The following NCALD variants were observed in gnomAD, a reference collection of about 807,000 sequenced individuals.
NCALD encodes neurocalcin delta, also known as neurocalcin-delta.
Under a neutral mutation model 18.6 loss-of-function variants are expected in NCALD, and 10 were observed. The ratio of observed to expected loss-of-function variants is 0.54; its 90% CI spans 0.33 to 0.91. NCALD has a LOEUF of 0.91. NCALD is among the 40% of genes least tolerant of loss of function. The pLI, the probability that NCALD is intolerant of heterozygous loss-of-function variation, is 0.03. For synonymous variants in NCALD, 88 were observed against 87.4 expected (o/e 1.01, Z -0.04); for missense variants, 184 against 247.6 (o/e 0.74, Z 1.72).
At chr8:101,715,961 T>C (rs943146417) in intron 2 of NCALD, among the ~76,000 whole-genome samples, 3 of 152,218 alleles carry the variant, frequency 2.0e-5, no homozygotes, top group African/African-American at 7.2e-5. Flanking sequence ...AGCAATCCCA[T>C]TACTGGGTAT....
At chr8:101,849,364 G>A (rs538707249) in intron 4 of NCALD, among the ~76,000 whole-genome samples, 1 of 152,108 alleles carries the variant, frequency 6.6e-6, no homozygotes. Flanking sequence ...TAAAATAAAA[G>A]TTGAAGAAAA....
chr8:101,767,135 A>C (rs1458487745), intron 1 of NCALD, among the ~76,000 whole-genome samples: 2 of 152,156 alleles, frequency 1.3e-5, no homozygotes, highest in Non-Finnish European at 2.9e-5. Flanking sequence ...TCCACCACTT[A>C]CAATCTCTGT....
chr8:101,871,882 G>A (rs779967279), intron 4 of NCALD: 24 of 659,792 alleles, frequency 3.6e-5, no homozygotes, highest in Middle Eastern at 4.3e-4. Flanking sequence ...GCTCTGCACT[G>A]AAGACAGCAA....
chr8:101,777,878 G>A (rs565373010), intron 1 of NCALD, among the ~76,000 whole-genome samples: 1 of 152,154 alleles, frequency 6.6e-6, no homozygotes, highest in Non-Finnish European at 1.5e-5. Flanking sequence ...GATATGTTTG[G>A]ATTGAGCCAA....
chr8:101,914,781 T>C (rs530520560), intron 3 of NCALD, among the ~76,000 whole-genome samples: 1 of 152,210 alleles, frequency 6.6e-6, no homozygotes, highest in African/African-American at 2.4e-5. Flanking sequence ...CTTCTTTACT[T>C]TATAGCACTA....
In NCALD at chr8:101,689,530, A is replaced by G; in HGVS notation, c.485-124T>C. 2.8e-6 allele frequency: 2 copies of G among 711,600 alleles called. No homozygotes were observed. The highest frequency in any genetic ancestry group is 1.7e-5 in the South Asian group (1 of 58,070). The allele number at this position is 711,600 out of a possible 1,614,324, so 44.1% of individuals were successfully genotyped here. A position where few individuals can be genotyped will look rare whatever the true frequency, so the allele number is the denominator to read the frequency against. On this transcript the variant is annotated intron_variant, in intron 3 of 3. Transcript: ENST00000220931. The surrounding 1 kb of genome is among the most constrained non-coding windows in gnomAD (Gnocchi z 4.4). ...TGCAGCCTCACTGCCACTGTGACAC[A>G]CAGCACTCACCTGTCCCGGGGAAGA...
chr8:101,719,210 A>T, intron 2 of NCALD, 42 bp downstream of exon 2: 1 of 1,583,026 alleles, frequency 6.3e-7, no homozygotes, highest in East Asian at 2.2e-5. Context: ...TTCTTACTTG[A>T]GATACATGCC....
At chr8:101,993,942 G>A (rs1198577185) in intron 2 of NCALD, among the ~76,000 whole-genome samples, 3 of 152,134 alleles carry the variant, frequency 2.0e-5, no homozygotes, top group Non-Finnish European at 4.4e-5. Flanking sequence ...TCACCTCCCA[G>A]CACTGCATAA....
intron 4 of NCALD, among the ~76,000 whole-genome samples, chr8:101,827,721 G>A (rs564220224): frequency 2.0e-4 from 31 of 152,182 alleles, no homozygotes; most frequent in Non-Finnish European, 4.4e-4. Context: ...AGGTTGTTAG[G>A]AAAGGAAGAT....
At chr8:101,781,800 T>G (rs568346417) in intron 1 of NCALD, among the ~76,000 whole-genome samples, 1 of 152,226 alleles carries the variant, frequency 6.6e-6, no homozygotes, top group East Asian at 1.9e-4. Context: ...CTATTATTCT[T>G]TGTATTGTAC....
chr8:101,781,090 C>T (rs1277267052), intron 1 of NCALD, among the ~76,000 whole-genome samples: 1 of 152,104 alleles, frequency 6.6e-6, no homozygotes, highest in Admixed American at 6.5e-5. Flanking sequence ...GATCTAATGA[C>T]AATTTCTTTT....
chr8:101,944,782 A>T (rs996017652), intron 2 of NCALD, among the ~76,000 whole-genome samples: 2 of 152,048 alleles, frequency 1.3e-5, no homozygotes, highest in Non-Finnish European at 2.9e-5. Flanking sequence ...CCACACCTCC[A>T]TTCTCCCAGG....
At chr8:101,731,394 G>T (rs1047543038) in intron 1 of NCALD, among the ~76,000 whole-genome samples, 1 of 152,124 alleles carries the variant, frequency 6.6e-6, no homozygotes, top group African/African-American at 2.4e-5. Context: ...GAACCTCTTT[G>T]CAGTAAATTC....
chr8:102,004,853 T>C (rs1172808911), intron 2 of NCALD, among the ~76,000 whole-genome samples: 1 of 152,138 alleles, frequency 6.6e-6, no homozygotes, highest in East Asian at 1.9e-4. Context: ...CTGGATCCCT[T>C]CCTTACACCT....
At chr8:101,730,838 C>A (rs1427819331) in intron 1 of NCALD, among the ~76,000 whole-genome samples, 1 of 152,188 alleles carries the variant, frequency 6.6e-6, no homozygotes, top group African/African-American at 2.4e-5. Flanking sequence ...AGAACTTATT[C>A]TTGTACATCT....
At chr8:101,846,436 C>T (rs1814870851) in intron 4 of NCALD, among the ~76,000 whole-genome samples, 1 of 152,188 alleles carries the variant, frequency 6.6e-6, no homozygotes, top group Non-Finnish European at 1.5e-5. Flanking sequence ...AGGAAGGAGC[C>T]TCTGGCATTT....
chr8:102,000,812 G>A (rs1308156908), intron 2 of NCALD, among the ~76,000 whole-genome samples: 2 of 152,156 alleles, frequency 1.3e-5, no homozygotes, highest in African/African-American at 4.8e-5. Context: ...TGCAGCTGAG[G>A]GTCCTGACTG....
intron 2 of NCALD, among the ~76,000 whole-genome samples, chr8:101,931,289 T>C (rs1231471365): frequency 6.6e-6 from 1 of 152,208 alleles, no homozygotes; most frequent in African/African-American, 2.4e-5. Context: ...CACTTATCAT[T>C]CATTTGAGCA....
At chr8:102,102,489 C>A (rs534680231) in intron 1 of NCALD, among the ~76,000 whole-genome samples, 42 of 152,312 alleles carry the variant, frequency 2.8e-4, no homozygotes, top group African/African-American at 9.6e-4. Context: ...ATGGAGCAGT[C>A]TTCCGCCTTC....
Sources: gnomAD v4.1 joint callset for allele counts (sites outside exome capture counted in the v4.1 genomes callset) on GRCh38, gnomAD v4.1.1 for gene constraint, Gnocchi (gnomAD v3.1) non-coding constraint, MANE v1.5 for transcripts, NCBI Gene and HGNC (gene_info 2026-07-23, HGNC 2026-07-21) for gene names.